MYO3A: variants seen among roughly 807,000 people sequenced by gnomAD.
MYO3A encodes the protein myosin IIIA.
Under a neutral mutation model 192.7 loss-of-function variants are expected in MYO3A, and 180 were observed. That is an observed-to-expected ratio of 0.93 (90% confidence interval 0.83 to 1.06). MYO3A has a LOEUF of 1.06. Among genes scored for constraint, MYO3A ranks in the 50% least tolerant of loss-of-function variants. The probability of loss-of-function intolerance (pLI) is 0.00; values close to 1 mark genes in which losing one functional copy is unlikely to be tolerated. For synonymous variants in MYO3A, 628 were observed against 645.3 expected, an observed-to-expected ratio of 0.97 and a Z score of 0.41; for missense variants, 1,896 against 1,905.0, an observed-to-expected ratio of 1.00 and a Z score of 0.09.
At chr10:26,006,547 A>G (rs1306091678) in intron 6 of MYO3A, among the ~76,000 whole-genome samples, 1 of 152,200 alleles carries the variant, frequency 6.6e-6, no homozygotes, top group Non-Finnish European at 1.5e-5. Context: ...GATAAAGGGG[A>G]TATCACCACC....
intron 15 of MYO3A, among the ~76,000 whole-genome samples, chr10:26,091,974 C>T (rs1023363905): frequency 1.1e-4 from 16 of 152,178 alleles, no homozygotes; most frequent in South Asian, 8.3e-4. Context: ...TGATATAAAA[C>T]GTGCTGATCA....
chr10:26,143,495 G>A lies in MYO3A; in HGVS notation c.2310G>A (p.Glu770=), dbSNP rs1228066124. The A allele has an allele frequency of 6.2e-7, 1 of 1,613,398 alleles. No homozygotes were observed. The highest frequency in any genetic ancestry group is 1.7e-5 in the Admixed American group (1 of 60,020). Residue 770 remains glutamate (E), a synonymous_variant, in exon 21 of 35, where the codon GAG becomes GAA. Coordinates refer to ENST00000642920, the MANE Select transcript of MYO3A (RefSeq NM_017433.5). ...EDVDARVIEY[E]DNWPLLDMFL... ...TGGATGCTAGAGTTATTGAATATGA[G>A]GATAACTGGCCCCTCTTAGATATGT...
Position 25,953,287 on chromosome 10 carries a change from TA to T in MYO3A, c.168+1010del, listed in dbSNP as rs1223824741. 2.0e-5 allele frequency among the ~76,000 whole-genome samples: 3 copies of T among 152,108 alleles called. No individual in the cohort carries two copies. In the East Asian group the frequency reaches 5.8e-4, roughly 29 times the overall value. ...GGGTTGCTGTTTCTTTTTTTATTTT[TA>T]TTTTTTGATAGTTTATTTCTGCTAA... is the stretch of plus-strand genomic sequence containing the variant. On this transcript the variant is annotated intron_variant, in intron 3 of 34. Coordinates refer to ENST00000642920, the MANE Select transcript of MYO3A (RefSeq NM_017433.5).
At chr10:25,985,165 G>A (rs554163953) in intron 4 of MYO3A, among the ~76,000 whole-genome samples, 18 of 151,216 alleles carry the variant, frequency 1.2e-4, no homozygotes, top group African/African-American at 4.4e-4. Context: ...TTGAACCGCG[G>A]AGGCAGAGGT....
Position 25,952,239 on chromosome 10 carries a change from T to C in MYO3A, c.129T>C (p.Asn43=). The C allele has an allele frequency of 1.2e-6, 2 of 1,612,666 alleles. No individual in the cohort carries two copies. Among genetic ancestry groups the C allele is most frequent in the Admixed American group, 3.3e-5 (2 of 59,846 alleles). Residue 43 remains asparagine (N), a synonymous_variant, in exon 3 of 35, where the codon AAT becomes AAC. Coordinates refer to ENST00000642920, the MANE Select transcript of MYO3A (RefSeq NM_017433.5). ...GKVFKVLNKK[N]GQKAAVKILD... is the part of the protein sequence containing the mutation. ...TTTTTAAAGTATTGAATAAGAAAAA[T>C]GGCCAAAAAGCAGCAGTCAAAATTC...
intron 17 of MYO3A, among the ~76,000 whole-genome samples, chr10:26,098,178 C>T (rs898071754): frequency 2.6e-5 from 4 of 152,198 alleles, no homozygotes; most frequent in Admixed American, 2.6e-4. Context: ...TGATGATGAG[C>T]ATTTTTTCTT....
intron 17 of MYO3A, among the ~76,000 whole-genome samples, chr10:26,103,944 T>G (rs180929530): frequency 6.6e-6 from 1 of 152,328 alleles, no homozygotes; most frequent in Non-Finnish European, 1.5e-5. Context: ...TAACTTATGG[T>G]GCTGAACTTC....
At chr10:26,010,306 T>C (rs1278960674) in intron 6 of MYO3A, among the ~76,000 whole-genome samples, 1 of 152,144 alleles carries the variant, frequency 6.6e-6, no homozygotes, top group African/African-American at 2.4e-5. Flanking sequence ...CATTGAATCT[T>C]AAAGCTAGAA....
At chr10:25,942,012 T>TC (rs1836528386) in intron 2 of MYO3A, among the ~76,000 whole-genome samples, 2 of 150,474 alleles carry the variant, frequency 1.3e-5, no homozygotes, top group African/African-American at 4.9e-5. Context: ...TTTTCTTTTT[T>TC]TTTTTTTTAG....
Position 26,026,550 on chromosome 10 carries a change from T to G in MYO3A, c.953+18T>G. On this transcript the variant is annotated intron_variant, in intron 10 of 34. Coordinates refer to ENST00000642920, the MANE Select transcript of MYO3A (RefSeq NM_017433.5). The stretch of plus-strand genomic sequence containing the variant: ...AAGGCCAGGTAATCAAATAATATCT[T>G]GATTCCAAAATCCAGAGATTATTGA... 2 of 1,612,962 alleles carry G rather than the reference T, an allele frequency of 1.2e-6. No homozygotes were observed. The highest frequency in any genetic ancestry group is 1.7e-6 in the Non-Finnish European group (2 of 1,179,006).
At chr10:26,181,771 C>CA in intron 31 of MYO3A, among the ~76,000 whole-genome samples, 1 of 145,178 alleles carries the variant, frequency 6.9e-6, no homozygotes, top group African/African-American at 2.5e-5. Context: ...GGCAATATGT[C>CA]CAAAAAAAAA....
chr10:26,125,567 C>A lies in MYO3A; in HGVS notation c.2073C>A (p.Val691=), dbSNP rs182560137. The A allele has an allele frequency of 3.1e-6, 5 of 1,613,952 alleles. No homozygotes were observed. In the East Asian group the frequency reaches 1.1e-4, roughly 36 times the overall value. The part of the protein sequence containing the change: ...TLYGRLFSWI[V]NCINSLLKHD... ...ATGGACGTCTCTTTAGTTGGATAGT[C>A]AATTGCATTAACAGTTTGTTGAAGC... The change falls in exon 19 of 35, where the codon GTC becomes GTA. Residue 691 remains valine (V), a synonymous_variant. Coordinates refer to ENST00000642920, the MANE Select transcript of MYO3A (RefSeq NM_017433.5).
At chr10:26,195,426 G>A (rs998628168) in intron 32 of MYO3A, among the ~76,000 whole-genome samples, 2 of 151,940 alleles carry the variant, frequency 1.3e-5, no homozygotes, top group African/African-American at 2.4e-5. Flanking sequence ...TCCAATTAAC[G>A]TATTTTCCAC....
chr10:26,043,715 C>T (rs920899777), intron 10 of MYO3A, among the ~76,000 whole-genome samples: 60 of 152,138 alleles, frequency 3.9e-4, no homozygotes, highest in Non-Finnish European at 6.0e-4. Context: ...TTCAGGGCAG[C>T]GGGCTCCTTT....
chr10:26,192,113 G>A (rs932624431), intron 31 of MYO3A, among the ~76,000 whole-genome samples: 1 of 152,086 alleles, frequency 6.6e-6, no homozygotes, highest in Non-Finnish European at 1.5e-5. Context: ...TATGTAATGA[G>A]GTCTATTAGC....
chr10:25,974,462 T>G (rs114742111), intron 4 of MYO3A, among the ~76,000 whole-genome samples: 2,287 of 152,272 alleles, frequency 0.015, 70 homozygotes, highest in African/African-American at 0.052. Context: ...CCAAATACAG[T>G]CAGAACCACT....
At position 25,966,745 on chromosome 10, in the gene MYO3A, A is replaced by G. The variant is rs577019967; in HGVS notation, c.303+11737A>G. On this transcript the variant is annotated intron_variant, in intron 4 of 34. Coordinates refer to ENST00000642920, the MANE Select transcript of MYO3A (RefSeq NM_017433.5). The stretch of plus-strand genomic sequence containing the variant: ...GCACAAAGGTGATTCTTATGAAAGG[A>G]AAGTCCAAGAAACTCTATCAGAGGT... 2.0e-5 allele frequency among the ~76,000 whole-genome samples: 3 copies of G among 152,344 alleles called. No individual in the cohort carries two copies. The South Asian group carries it at 6.2e-4, about 32-fold the overall frequency.
intron 4 of MYO3A, among the ~76,000 whole-genome samples, chr10:25,981,731 C>G (rs868101049): frequency 2.4e-4 from 36 of 152,266 alleles, no homozygotes; most frequent in Middle Eastern, 3.4e-3. Flanking sequence ...CAATGAGATA[C>G]TAGTACTATT....
At chr10:25,992,023 T>C (rs1840065602) in intron 4 of MYO3A, among the ~76,000 whole-genome samples, 1 of 152,158 alleles carries the variant, frequency 6.6e-6, no homozygotes, top group Non-Finnish European at 1.5e-5. Flanking sequence ...ATATGAACTT[T>C]AAAATAGTTT....
Sources: gnomAD v4.1 joint callset for allele counts (sites outside exome capture counted in the v4.1 genomes callset) on GRCh38, gnomAD v4.1.1 for gene constraint, MANE v1.5 for transcripts, NCBI Gene and HGNC (gene_info 2026-07-23, HGNC 2026-07-21) for gene names.